Variants in EIF3B observed in about 807,000 individuals in gnomAD.
The protein encoded by EIF3B is eukaryotic translation initiation factor 3 subunit 9.
Under a neutral mutation model 104.6 loss-of-function variants are expected in EIF3B, and 10 were observed. That is an observed-to-expected ratio of 0.10 (90% CI 0.06 to 0.16). The LOEUF (loss-of-function observed/expected upper bound fraction) is 0.16, where lower values mean the gene tolerates loss of function less well. EIF3B is among the 10% of genes least tolerant of loss of function. EIF3B has a pLI of 1.00. For synonymous variants in EIF3B, 542 were observed against 417.2 expected, an observed-to-expected ratio of 1.30 and a Z score of -3.65; for missense variants, 1,014 against 1,087.9, an observed-to-expected ratio of 0.93 and a Z score of 0.96.
In EIF3B at chr7:2,366,391, C is replaced by T. The variant is rs376326730; in HGVS notation, c.1232C>T (p.Thr411Met). The T allele has an allele frequency of 9.3e-6, 15 of 1,613,802 alleles. No individual in the cohort carries two copies. Among genetic ancestry groups the T allele is most frequent in the South Asian group, 5.5e-5 (5 of 91,056 alleles). The change falls in exon 7 of 19, where the codon ACG becomes ATG. Residue 411 changes from threonine (T) to methionine (M), a missense_variant. By Grantham distance (81) the Thr-to-Met change is moderately conservative (BLOSUM62 -1). Coordinates refer to ENST00000360876, the MANE Select transcript of EIF3B (RefSeq NM_001037283.2). The part of the protein sequence containing the change: ...PQAIIIWDIL[T>M]GHKKRGFHCE... ...GCCATAATCATCTGGGACATCCTTA[C>T]GGGGCACAAGAAGAGGGGTTTTCAC...
At chr7:2,358,129 C>T (rs1314958575) in intron 1 of EIF3B, among the ~76,000 whole-genome samples, 3 of 151,256 alleles carry the variant, frequency 2.0e-5, no homozygotes, top group Admixed American at 6.6e-5. Context: ...GAGTCTCATT[C>T]TCTTGCTCAG....
At chr7:2,369,233 A>G (rs903028850) in intron 9 of EIF3B, among the ~76,000 whole-genome samples, 1 of 152,132 alleles carries the variant, frequency 6.6e-6, no homozygotes, top group African/African-American at 2.4e-5. Context: ...TGGGGTTGCT[A>G]ATATTCTGTC....
chr7:2,366,837 C>T lies in EIF3B; in HGVS notation c.1357-162C>T, dbSNP rs1780053677. On this transcript the variant is annotated intron_variant, in intron 8 of 18. Transcript: ENST00000360876. ...TGCAGTGGGCTTCAGAACTGCAGTT[C>T]TGGGTGGCGGGTGGGTGGATGGGTT... 12 of 847,964 alleles carry T rather than the reference C, an allele frequency of 1.4e-5. No individual in the cohort carries two copies. The South Asian group carries it at 2.0e-4, about 14-fold the overall frequency. The allele number at this position is 847,964 out of a possible 1,614,324, so 52.5% of individuals were successfully genotyped here.
chr7:2,357,268 G>T (rs1779497704), intron 1 of EIF3B, among the ~76,000 whole-genome samples: 1 of 152,190 alleles, frequency 6.6e-6, no homozygotes, highest in Non-Finnish European at 1.5e-5. Flanking sequence ...TGGGTCCTCA[G>T]CGGGCCCACG....
In EIF3B at chr7:2,377,501, G is replaced by T. The variant is rs1309147557; in HGVS notation, c.2154+426G>T. On this transcript the variant is annotated intron_variant, in intron 15 of 18. Transcript: ENST00000360876. ...GAGCAGGCACGAGCGCTCCTGGGAT[G>T]CTGTGTTGTGTGAATGACCCTGGGT... Among the ~76,000 whole-genome samples the T allele has an allele frequency of 2.4e-3, 321 of 136,252 alleles. 1 individual carries two copies. The highest frequency in any genetic ancestry group is 7.6e-3 in the South Asian group (33 of 4,328). The allele number at this position is 136,252 out of a possible 152,430, so 89.4% of individuals were successfully genotyped here.
intron 9 of EIF3B, 121 bp from the exon 10 acceptor site, chr7:2,369,351 C>T (rs186633772): frequency 2.8e-6 from 3 of 1,075,612 alleles, no homozygotes; most frequent in Non-Finnish European, 4.2e-6. Context: ...AGGGAGCGCT[C>T]AGCGTCAGCT....
chr7:2,354,975 G>T lies in EIF3B; in HGVS notation c.54G>T (p.Glu18Asp), dbSNP rs1369490620. 8.4e-7 allele frequency: 1 copy of T among 1,185,856 alleles called. No homozygotes were observed. Among genetic ancestry groups the T allele is most frequent in the Non-Finnish European group, 1.0e-6 (1 of 959,518 alleles). The allele number at this position is 1,185,856 out of a possible 1,614,324, so 73.5% of individuals were successfully genotyped here. A position where few individuals can be genotyped will look rare whatever the true frequency, so the allele number is the denominator to read the frequency against. The change falls in exon 1 of 19, where the codon GAG (glutamate) becomes GAT (aspartate). Residue 18 changes from glutamate (E) to aspartate (D), a missense_variant. Physicochemically the swap from Glu to Asp is conservative, Grantham distance 45. Coordinates refer to ENST00000360876, the MANE Select transcript of EIF3B (RefSeq NM_001037283.2). ...CCGAGGCGGCCGAGGAGCGCGCCGA[G>T]CCCGGCCAGCAGCAGCCGGCCGCCG... Reference protein sequence around the residue: ...AVPEAAEERAEPGQQQPAAEP... With the variant: ...AVPEAAEERADPGQQQPAAEP...
Position 2,379,475 on chromosome 7 carries a change from T to C in EIF3B, c.2423T>C (p.Ile808Thr), listed in dbSNP as rs1304955888. The change falls in exon 18 of 19, where the codon ATT becomes ACT. Residue 808 changes from isoleucine (I) to threonine (T), a missense_variant. This residue lies in a region of EIF3B where 266 missense variants were observed against 324.0 expected (regional missense o/e 0.82). Transcript: ENST00000360876. Reference sequence around the variant, plus strand: ...GAGTTCTTCGTCACTGAAGAAATCATTCCCCTCGGGAATCAGGAGTGACCT... The same window carrying C: ...GAGTTCTTCGTCACTGAAGAAATCACTCCCCTCGGGAATCAGGAGTGACCT... Reference protein sequence around the residue: ...TIEFFVTEEIIPLGNQE With the variant: ...TIEFFVTEEITPLGNQE 6.3e-7 allele frequency: 1 copy of C among 1,579,558 alleles called. No homozygotes were observed. Among genetic ancestry groups the C allele is most frequent in the Non-Finnish European group, 8.6e-7 (1 of 1,162,186 alleles).
chr7:2,364,679 A>C, intron 6 of EIF3B, 150 bp downstream of exon 6: 2 of 734,342 alleles, frequency 2.7e-6, no homozygotes, highest in East Asian at 5.5e-5. Context: ...AGATCTTCTC[A>C]CATTTGGTTG....
chr7:2,358,200 C>T (rs1334131823), intron 1 of EIF3B, among the ~76,000 whole-genome samples: 1 of 152,128 alleles, frequency 6.6e-6, no homozygotes, highest in East Asian at 1.9e-4. Flanking sequence ...TTTCCTGCCT[C>T]AGCCTCCCAA....
chr7:2,367,317 C>T (rs1395548031), intron 9 of EIF3B, among the ~76,000 whole-genome samples: 1 of 152,034 alleles, frequency 6.6e-6, no homozygotes, highest in African/African-American at 2.4e-5. Context: ...ATCTCATTCC[C>T]AAGGGCTTCC....
At chr7:2,355,556 C>T in intron 1 of EIF3B, 136 bp downstream of exon 1, 1 of 1,251,862 alleles carries the variant, frequency 8.0e-7, no homozygotes, top group Non-Finnish European at 1.0e-6. Flanking sequence ...CCTGAGAAGC[C>T]ACCGAGGGAG....
At chr7:2,374,482 T>C in intron 12 of EIF3B, 46 bp from the exon 13 acceptor site, 4 of 1,598,448 alleles carry the variant, frequency 2.5e-6, no homozygotes, top group Non-Finnish European at 3.4e-6. Flanking sequence ...GCCCCGGCAC[T>C]GTGGAAGCCC....
Position 2,355,152 on chromosome 7 carries a change from C to A in EIF3B, c.231C>A (p.Ala77=). ...RTEPAAEAEA[A]SGPSESPSPP... ...AGCCGGCGGCCGAGGCAGAGGCGGCCTCCGGCCCGTCCGAGTCGCCCTCGC... is the reference window on the plus strand; with the variant it reads ...AGCCGGCGGCCGAGGCAGAGGCGGCATCCGGCCCGTCCGAGTCGCCCTCGC... The change falls in exon 1 of 19, where the codon GCC becomes GCA. Residue 77 remains alanine, a synonymous_variant. Coordinates refer to ENST00000360876, the MANE Select transcript of EIF3B (RefSeq NM_001037283.2). 1.4e-6 allele frequency: 2 copies of A among 1,443,954 alleles called. No homozygotes were observed. Among genetic ancestry groups the A allele is most frequent in the Non-Finnish European group, 1.8e-6 (2 of 1,108,622 alleles). 89.4% of individuals were successfully genotyped at this position (1,443,954 alleles called of 1,614,324 possible).
chr7:2,365,038 A>G (rs1779931141), intron 6 of EIF3B, among the ~76,000 whole-genome samples: 1 of 152,216 alleles, frequency 6.6e-6, no homozygotes, highest in South Asian at 2.1e-4. Context: ...TTGCAACCCC[A>G]GCCTCCCAGG....
At chr7:2,369,415 T>C in intron 9 of EIF3B, 57 bp from the exon 10 acceptor site, 1 of 1,566,766 alleles carries the variant, frequency 6.4e-7, no homozygotes, top group Non-Finnish European at 8.8e-7. Flanking sequence ...CTCTTCTGCT[T>C]TTCAGTTTCG....
chr7:2,377,043 C>T lies in EIF3B; in HGVS notation c.2122C>T (p.Pro708Ser). ...CTGCCAGCTGCTGTGGCGGCCCCGG[C>T]CTCCCACACTCCTGAGCCAGGAACA... The part of the protein sequence containing the change: ...RFCQLLWRPR[P>S]PTLLSQEQIK... Residue 708 changes from proline (P) to serine (S), a missense_variant, in exon 15 of 19, where the codon CCT (proline) becomes TCT (serine). By Grantham distance (74) the Pro-to-Ser change is moderately conservative. Transcript: ENST00000360876. 6.2e-7 allele frequency: 1 copy of T among 1,613,648 alleles called. No individual in the cohort carries two copies. Among genetic ancestry groups the T allele is most frequent in the Non-Finnish European group, 8.5e-7 (1 of 1,179,988 alleles).
Position 2,375,658 on chromosome 7 carries a change from TG to T in EIF3B, c.2028+133del, listed in dbSNP as rs937554404. 17 of 1,328,902 alleles carry T rather than the reference TG, an allele frequency of 1.3e-5. No individual in the cohort carries two copies. The Admixed American group carries it at 3.6e-4, about 28-fold the overall frequency. The allele number at this position is 1,328,902 out of a possible 1,614,324, so 82.3% of individuals were successfully genotyped here. A position where few individuals can be genotyped will look rare whatever the true frequency, so the allele number is the denominator to read the frequency against. On this transcript the variant is annotated intron_variant, in intron 14 of 18. Transcript: ENST00000360876. ...CTCTGTGTTGAACAGAAGCCTTGGC[TG>T]GTGTTAGTGGCAGGAGGAGGAGGAT... is the stretch of plus-strand genomic sequence containing the variant.
chr7:2,355,910 A>G (rs1779401501), intron 1 of EIF3B, among the ~76,000 whole-genome samples: 1 of 152,178 alleles, frequency 6.6e-6, no homozygotes, highest in South Asian at 2.1e-4. Context: ...CCATCTCCAG[A>G]GACTTCCTTA....
Sources: allele counts gnomAD v4.1 joint callset (sites outside exome capture counted in the v4.1 genomes callset), GRCh38; gene constraint gnomAD v4.1.1; regional missense constraint gnomAD v4.1.1; transcripts MANE v1.5; gene names NCBI Gene and HGNC (gene_info 2026-07-23, HGNC 2026-07-21).